Variants in GET1 observed in about 807,000 individuals in gnomAD.
GET1 encodes guided entry of tail-anchored proteins factor 1.
Under a neutral mutation model 22.6 loss-of-function variants are expected in GET1, and 20 were observed. That is an observed-to-expected ratio of 0.89 (90% CI 0.62 to 1.29). The LOEUF (loss-of-function observed/expected upper bound fraction) is 1.29. Ranked by LOEUF, GET1 falls within the 50% of genes most tolerant of loss-of-function variation. The pLI is 0.00. For synonymous variants in GET1, 92 were observed against 83.8 expected (o/e 1.10, Z -0.53); for missense variants, 209 against 219.9 (o/e 0.95, Z 0.31).
chr21:39,406,879 G>T (rs1274748000), downstream of GET1: 1 of 387,088 alleles, frequency 2.6e-6, no homozygotes, highest in Non-Finnish European at 4.6e-6. Flanking sequence ...AATAAAATTT[G>T]CCAATAAGGT....
intron 1 of GET1, among the ~76,000 whole-genome samples, chr21:39,416,772 A>G (rs1168802049): frequency 6.6e-6 from 1 of 152,176 alleles, no homozygotes; most frequent in Non-Finnish European, 1.5e-5. Flanking sequence ...CAACATCAAC[A>G]TCATTACCAA....
intron 1 of GET1, chr21:39,423,610 G>A (rs80142423): frequency 2.0e-5 from 16 of 804,860 alleles, no homozygotes; most frequent in East Asian, 1.1e-4. Flanking sequence ...ACACACAAGC[G>A]TAAGTGTAAC....
downstream of GET1, among the ~76,000 whole-genome samples, chr21:39,400,650 G>T (rs1208821192): frequency 6.6e-6 from 1 of 152,132 alleles, no homozygotes; most frequent in African/African-American, 2.4e-5. Context: ...TGTGTGACTG[G>T]TTTGAACACC....
In GET1 at chr21:39,424,264, T is replaced by C. The variant is rs563843394; in HGVS notation, c.*24-3968T>C. Among the ~76,000 whole-genome samples, 21 of 152,338 alleles carry C rather than the reference T, an allele frequency of 1.4e-4. No individual in the cohort carries two copies. In the South Asian group the frequency reaches 3.7e-3, roughly 27 times the overall value. ...CTGACCCTCAAGTGATCCACCCTCC[T>C]TGGCCTCCCAAAGTGCTGGGATTAC... On this transcript the variant is annotated intron_variant, in intron 1 of 1. Coordinates refer to the GET1 transcript ENST00000478273.
In GET1 at chr21:39,419,216, T is replaced by C. The variant is rs185359227; in HGVS notation, c.*23+8279T>C. 2.8e-3 allele frequency among the ~76,000 whole-genome samples: 427 copies of C among 152,174 alleles called. 4 individuals carry two copies. The highest frequency in any genetic ancestry group is 9.7e-3 in the African/African-American group (402 of 41,536). On this transcript the variant is annotated intron_variant, in intron 1 of 1. Transcript: ENST00000478273. ...AGGCTCCTGGAAAATCTAAATTGCC[T>C]AATTGTCACAAAAAAGTTAAAGATC...
At chr21:39,391,017 A>T in intron 2 of GET1, 154 bp downstream of exon 2, 1 of 756,312 alleles carries the variant, frequency 1.3e-6, no homozygotes, top group Non-Finnish European at 2.0e-6. Context: ...AATAAGTATT[A>T]CTTTCCTCTT....
chr21:39,417,878 G>C (rs1042778617), intron 1 of GET1, among the ~76,000 whole-genome samples: 1 of 152,086 alleles, frequency 6.6e-6, no homozygotes, highest in African/African-American at 2.4e-5. Context: ...CCATTCTCCT[G>C]CCTCAGCCTC....
At position 39,390,790 on chromosome 21, in the gene GET1, G is replaced by C. The variant is rs1454268248; in HGVS notation, c.195G>C (p.Met65Ile). Residue 65 changes from methionine (M) to isoleucine (I), a missense_variant, in exon 2 of 5, where the codon ATG becomes ATC. Physicochemically the swap from Met to Ile is conservative, Grantham distance 10 (BLOSUM62 1). Transcript: ENST00000649170. ...DMKQELSTVN[M>I]MDEFARYARL... is the part of the protein sequence containing the mutation. ...AGCAGGAGCTCTCCACAGTCAACAT[G>C]ATGGACGAGTTTGCCAGATATGCCA... 6.2e-7 allele frequency: 1 copy of C among 1,614,198 alleles called. No homozygotes were observed.
intron 4 of GET1, among the ~76,000 whole-genome samples, chr21:39,403,740 G>T (rs2147034394): frequency 6.6e-6 from 1 of 150,660 alleles, no homozygotes. Context: ...TCCTGCCTCA[G>T]CCTCCTGTGT....
At chr21:39,391,936 C>CT in intron 3 of GET1, 100 bp downstream of exon 3, 1 of 1,149,818 alleles carries the variant, frequency 8.7e-7, no homozygotes, top group Non-Finnish European at 1.3e-6. Context: ...GCTGTTCCAC[C>CT]TTCAGCTGTC....
intron 1 of GET1, among the ~76,000 whole-genome samples, chr21:39,416,898 C>T (rs2041277611): frequency 6.6e-6 from 1 of 152,306 alleles, no homozygotes; most frequent in African/African-American, 2.4e-5. Flanking sequence ...GGAATGGCTT[C>T]TTTCTGTGGC....
At chr21:39,405,931 G>C in exon 5 of GET1, 2 of 1,611,228 alleles carry the variant, frequency 1.2e-6, no homozygotes, top group Admixed American at 1.7e-5. Context: ...TGGCTTAATA[G>C]AATTTACCAC....
chr21:39,392,892 G>A, intron 3 of GET1: 1 of 369,048 alleles, frequency 2.7e-6, no homozygotes, highest in Non-Finnish European at 4.9e-6. Context: ...ACAGTGAAAT[G>A]CCAGTTCACA....
At chr21:39,406,169 G>T (rs377378630) in exon 5 of GET1, 2 of 1,614,190 alleles carry the variant, frequency 1.2e-6, no homozygotes. Flanking sequence ...CCAAATGAGG[G>T]CTCATACCCA....
At chr21:39,412,884 G>C (rs1416573147) in intron 1 of GET1, among the ~76,000 whole-genome samples, 2 of 152,212 alleles carry the variant, frequency 1.3e-5, no homozygotes, top group Non-Finnish European at 2.9e-5. Context: ...GCCAGAGATT[G>C]TGCTTCCCTT....
At chr21:39,411,646 T>G in intron 1 of GET1, 1 of 710,650 alleles carries the variant, frequency 1.4e-6, no homozygotes, top group Non-Finnish European at 2.4e-6. Flanking sequence ...TCCATTATTT[T>G]GTCTATATAA....
rs543833792 is a variant in GET1 at position 39,389,358 on chromosome 21, T to C, written c.103-1340T>C. ...GTCCCATGGCATGATCTCAGCTCAC[T>C]GTAGCCTTGAACTCCTGTATACAAG... On this transcript the variant is annotated intron_variant, in intron 1 of 4. Transcript: ENST00000649170. Among the ~76,000 whole-genome samples the C allele has an allele frequency of 1.1e-3, 168 of 152,118 alleles. 1 individual carries two copies. Among genetic ancestry groups the C allele is most frequent in the Non-Finnish European group, 1.9e-3 (132 of 67,972 alleles).
chr21:39,412,600 GCACA>G (rs58572253), intron 1 of GET1, among the ~76,000 whole-genome samples: 4 of 149,510 alleles, frequency 2.7e-5, no homozygotes, highest in Non-Finnish European at 4.5e-5. Flanking sequence ...ACGTGCATGT[GCACA>G]CACACACACA....
At chr21:39,388,781 G>C (rs1601613036) in intron 1 of GET1, among the ~76,000 whole-genome samples, 1 of 152,112 alleles carries the variant, frequency 6.6e-6, no homozygotes, top group African/African-American at 2.4e-5. Context: ...CCTCCGTTGC[G>C]CTCCAGTCAC....
Sources: allele counts gnomAD v4.1 joint callset (sites outside exome capture counted in the v4.1 genomes callset), GRCh38; gene constraint gnomAD v4.1.1; transcripts MANE v1.5; gene names NCBI Gene and HGNC (gene_info 2026-07-23, HGNC 2026-07-21).